Variants in KLHL1 observed in about 807,000 individuals in gnomAD.
KLHL1 encodes kelch like family member 1, also known as kelch-like protein 1.
KLHL1 carries 47 observed loss-of-function variants against 77.7 expected under a neutral mutation model. The observed-to-expected ratio is 0.60, with a 90% confidence interval of 0.48 to 0.77. KLHL1 has a LOEUF of 0.77. Ranked by LOEUF, KLHL1 falls within the 30% of genes least tolerant of loss-of-function variation. The probability of loss-of-function intolerance (pLI) is 0.00; values close to 1 mark genes in which losing one functional copy is unlikely to be tolerated. For missense variants in KLHL1, 925 were observed against 910.8 expected (o/e 1.02, Z -0.20); for synonymous variants, 360 against 325.2 (o/e 1.11, Z -1.15).
chr13:69,751,398 C>G (rs971637752), intron 7 of KLHL1, among the ~76,000 whole-genome samples: 2 of 151,962 alleles, frequency 1.3e-5, no homozygotes, highest in African/African-American at 4.8e-5. Flanking sequence ...CAAATAGGTG[C>G]TACCTTACTA....
In KLHL1 at chr13:70,107,613, G is replaced by A; in HGVS notation, c.87C>T (p.Thr29=). 6.3e-7 allele frequency: 1 copy of A among 1,587,496 alleles called. No individual in the cohort carries two copies. Among genetic ancestry groups the A allele is most frequent in the Non-Finnish European group, 8.6e-7 (1 of 1,168,000 alleles). The part of the protein sequence containing the change: ...WKLFSHPSPS[T]GGPAGGGCLQ... ...GGCAGCCTCCCCCCGCCGGGCCGCC[G>A]GTGGAAGGAGACGGGTGGCTGAAGA... is the stretch of plus-strand genomic sequence containing the variant. Residue 29 remains threonine, a synonymous_variant, in exon 1 of 11, where the codon ACC becomes ACT. Transcript: ENST00000377844.
intron 1 of KLHL1, among the ~76,000 whole-genome samples, chr13:70,063,092 T>A (rs1225225398): frequency 3.3e-5 from 5 of 152,110 alleles, no homozygotes; most frequent in African/African-American, 7.2e-5. Context: ...CAATTCAGAT[T>A]CCCCTGAACA....
chr13:69,972,962 C>A (rs1023169564), intron 2 of KLHL1, among the ~76,000 whole-genome samples: 1 of 151,862 alleles, frequency 6.6e-6, no homozygotes, highest in Non-Finnish European at 1.5e-5. Context: ...GATTTACATT[C>A]AAATATTTTG....
chr13:69,803,188 TAATA>T (rs1877467569), intron 6 of KLHL1: 1 of 152,174 alleles, frequency 6.6e-6, no homozygotes, highest in African/African-American at 2.4e-5. Flanking sequence ...AATAAGATAT[TAATA>T]AATAATATTG....
At chr13:69,907,400 C>G (rs1267188299) in intron 4 of KLHL1, among the ~76,000 whole-genome samples, 1 of 151,826 alleles carries the variant, frequency 6.6e-6, no homozygotes, top group African/African-American at 2.4e-5. Flanking sequence ...CCTTTATTTA[C>G]ATGATAGTTG....
At chr13:69,921,702 A>G (rs893185362) in intron 4 of KLHL1, among the ~76,000 whole-genome samples, 1 of 152,132 alleles carries the variant, frequency 6.6e-6, no homozygotes, top group Non-Finnish European at 1.5e-5. Context: ...CAATCAAAAC[A>G]ATATTTTTTC....
chr13:69,841,890 T>G (rs565780532), intron 5 of KLHL1, among the ~76,000 whole-genome samples: 1 of 151,712 alleles, frequency 6.6e-6, no homozygotes, highest in Admixed American at 6.6e-5. Flanking sequence ...AGCCACGTAT[T>G]TACTGCTAAC....
intron 4 of KLHL1, among the ~76,000 whole-genome samples, chr13:69,906,144 A>G (rs559279808): frequency 6.6e-6 from 1 of 152,086 alleles, no homozygotes; most frequent in African/African-American, 2.4e-5. Flanking sequence ...AGAACTATTC[A>G]CTTATTAAGT....
At chr13:69,826,348 G>A (rs2138087526) in intron 6 of KLHL1, among the ~76,000 whole-genome samples, 1 of 152,264 alleles carries the variant, frequency 6.6e-6, no homozygotes, top group South Asian at 2.1e-4. Context: ...ACTTTGGGAG[G>A]CCAAGGCAGG....
intron 1 of KLHL1, among the ~76,000 whole-genome samples, chr13:69,983,576 CA>C (rs1282357751): frequency 2.7e-3 from 109 of 40,772 alleles, no homozygotes; most frequent in Middle Eastern, 0.019. Flanking sequence ...CCTATCTTTA[CA>C]AAAAAAAAAA....
intron 1 of KLHL1, among the ~76,000 whole-genome samples, chr13:70,068,775 AC>A (rs1887073345): frequency 6.6e-6 from 1 of 152,188 alleles, no homozygotes; most frequent in Admixed American, 6.5e-5. Flanking sequence ...TTTTTCCTCC[AC>A]ATAAAAATAA....
At chr13:69,814,611 T>G (rs74396935) in intron 6 of KLHL1, among the ~76,000 whole-genome samples, 3 of 152,110 alleles carry the variant, frequency 2.0e-5, no homozygotes, top group African/African-American at 7.2e-5. Context: ...GAAACATACA[T>G]GTGACCAAGA....
At chr13:69,985,559 C>G (rs913685381) in intron 1 of KLHL1, among the ~76,000 whole-genome samples, 1 of 151,504 alleles carries the variant, frequency 6.6e-6, no homozygotes, top group Non-Finnish European at 1.5e-5. Flanking sequence ...TAAATTAGTA[C>G]AGCCATTATA....
chr13:70,049,985 TA>T (rs1028155158), intron 1 of KLHL1, among the ~76,000 whole-genome samples: 1 of 151,916 alleles, frequency 6.6e-6, no homozygotes, highest in African/African-American at 2.4e-5. Context: ...ATAGATAATT[TA>T]TATAGAAAAA....
At position 69,996,264 on chromosome 13, in the gene KLHL1, T is replaced by C. The variant is rs144989576; in HGVS notation, c.498-20462A>G. Among the ~76,000 whole-genome samples the C allele has an allele frequency of 3.6e-3, 541 of 151,862 alleles. 5 individuals are homozygous for C. The highest frequency in any genetic ancestry group is 0.012 in the African/African-American group (513 of 41,396). ...GTTGCAGTGAGCCAAGATCGCACCATTGCACTTCAGCATGGTGACACAGCG... is the reference window on the plus strand; with the variant it reads ...GTTGCAGTGAGCCAAGATCGCACCACTGCACTTCAGCATGGTGACACAGCG... On this transcript the variant is annotated intron_variant, in intron 1 of 10. Transcript: ENST00000377844.
At chr13:69,837,678 A>G (rs1879078426) in intron 6 of KLHL1, among the ~76,000 whole-genome samples, 1 of 143,170 alleles carries the variant, frequency 7.0e-6, no homozygotes, top group South Asian at 2.1e-4. Context: ...GTGTATATAT[A>G]TATATATATA....
At chr13:69,999,833 T>C (rs1410187528) in intron 1 of KLHL1, among the ~76,000 whole-genome samples, 1 of 152,094 alleles carries the variant, frequency 6.6e-6, no homozygotes, top group African/African-American at 2.4e-5. Context: ...CTAGCATTAT[T>C]AACCCAGGTC....
chr13:69,703,060 C>T (rs1875470424), intron 10 of KLHL1, among the ~76,000 whole-genome samples: 1 of 151,638 alleles, frequency 6.6e-6, no homozygotes, highest in African/African-American at 2.4e-5. Flanking sequence ...TGATGATTTT[C>T]ATGGATTGTC....
intron 9 of KLHL1, 127 bp from the exon 10 acceptor site, chr13:69,707,923 T>C (rs1276868632): frequency 3.1e-6 from 2 of 651,624 alleles, no homozygotes; most frequent in East Asian, 2.8e-5. Flanking sequence ...AAAGGCTCAA[T>C]CATTTGAGCA....
Sources: gnomAD v4.1 joint callset for allele counts (sites outside exome capture counted in the v4.1 genomes callset) on GRCh38, gnomAD v4.1.1 for gene constraint, MANE v1.5 for transcripts, NCBI Gene and HGNC (gene_info 2026-07-23, HGNC 2026-07-21) for gene names.